The following PAPSS2 variants were observed in gnomAD, a reference collection of about 807,000 sequenced individuals.
The protein encoded by PAPSS2 is bifunctional 3'-phosphoadenosine 5'-phosphosulfate synthase 2.
Under a neutral mutation model 66.5 loss-of-function variants are expected in PAPSS2, and 61 were observed. That is an observed-to-expected ratio of 0.92 (90% CI 0.75 to 1.14). The LOEUF is 1.14. PAPSS2 is among the 50% of genes most tolerant of loss of function. The probability of loss-of-function intolerance (pLI) is 0.00; values close to 1 mark genes in which losing one functional copy is unlikely to be tolerated. For missense variants in PAPSS2, 708 were observed against 789.6 expected (o/e 0.90, Z 1.24); for synonymous variants, 289 against 287.5 (o/e 1.01, Z -0.05).
rs34785604 is a variant in PAPSS2, at chr10:87,678,590, T to TAA, written c.27+18591_27+18592dup. 2.4e-3 allele frequency among the ~76,000 whole-genome samples: 360 copies of TAA among 150,314 alleles called. 1 individual carries two copies. Among genetic ancestry groups the TAA allele is most frequent in the African/African-American group, 7.9e-3 (324 of 40,986 alleles). Reference sequence around the variant, plus strand: ...AGACTATATCAGAAACCCAGCAGCGTAAAAAAAAAATTCCATTAAAAAGTG... The same window carrying TAA: ...AGACTATATCAGAAACCCAGCAGCGTAAAAAAAAAAAATTCCATTAAAAAGTG... On this transcript the variant is annotated intron_variant, in intron 1 of 12. Transcript: ENST00000456849.
intron 1 of PAPSS2, among the ~76,000 whole-genome samples, chr10:87,671,215 C>G (rs1235943017): frequency 6.6e-6 from 1 of 152,002 alleles, no homozygotes; most frequent in Non-Finnish European, 1.5e-5. Flanking sequence ...ATAATGGATA[C>G]TATGACTGTG....
intron 10 of PAPSS2, 44 bp downstream of exon 10, chr10:87,741,414 A>C: frequency 1.3e-6 from 2 of 1,536,204 alleles, no homozygotes; most frequent in Non-Finnish European, 1.8e-6. Context: ...TTATTTATTG[A>C]GATGGTGTCT....
intron 1 of PAPSS2, among the ~76,000 whole-genome samples, chr10:87,680,026 C>CAAAA (rs58787148): frequency 2.4e-5 from 3 of 126,714 alleles, no homozygotes; most frequent in African/African-American, 5.8e-5. Flanking sequence ...GAACCTATCT[C>CAAAA]AAAAAAAAAA....
At chr10:87,681,523 CT>C (rs1564710905) in intron 1 of PAPSS2, among the ~76,000 whole-genome samples, 2 of 152,098 alleles carry the variant, frequency 1.3e-5, no homozygotes, top group African/African-American at 4.8e-5. Context: ...AATGAAAAGA[CT>C]TTTCTTAGAA....
chr10:87,746,714 T>C lies in PAPSS2; in HGVS notation c.*744T>C, dbSNP rs1853945647. The C allele has an allele frequency of 6.6e-6, 1 of 152,226 alleles. No homozygotes were observed. Among genetic ancestry groups the C allele is most frequent in the African/African-American group, 2.4e-5 (1 of 41,450 alleles). The allele number at this position is 152,226 out of a possible 1,614,324, so 9.4% of individuals were successfully genotyped here. A position where few individuals can be genotyped will look rare whatever the true frequency, so the allele number is the denominator to read the frequency against. On this transcript the variant is annotated 3_prime_UTR_variant, in exon 13 of 13. Coordinates refer to ENST00000456849, the MANE Select transcript of PAPSS2 (RefSeq NM_001015880.2). ...GATTTGATGAAAGGACGTCAAACAATGTGGCGATGTCGTGGAAAGTTATCT... is the reference window on the plus strand; with the variant it reads ...GATTTGATGAAAGGACGTCAAACAACGTGGCGATGTCGTGGAAAGTTATCT...
chr10:87,688,627 T>G (rs1218137001), intron 1 of PAPSS2, among the ~76,000 whole-genome samples: 2 of 151,596 alleles, frequency 1.3e-5, no homozygotes, highest in African/African-American at 4.8e-5. Context: ...GCCTGGCTAA[T>G]TTTTTTGTAT....
At chr10:87,699,429 T>A (rs1008916443) in intron 1 of PAPSS2, among the ~76,000 whole-genome samples, 1 of 152,222 alleles carries the variant, frequency 6.6e-6, no homozygotes, top group Non-Finnish European at 1.5e-5. Context: ...ATTATAGGCA[T>A]GAGTTGCCAT....
intron 3 of PAPSS2, among the ~76,000 whole-genome samples, chr10:87,713,513 C>T (rs1853493208): frequency 6.6e-6 from 1 of 152,038 alleles, no homozygotes; most frequent in African/African-American, 2.4e-5. Flanking sequence ...CCTTCCTTTC[C>T]AGATGCCAGG....
intron 1 of PAPSS2, among the ~76,000 whole-genome samples, chr10:87,672,420 C>A (rs1166360359): frequency 1.3e-5 from 2 of 152,192 alleles, no homozygotes. Flanking sequence ...TTCTAAAAAA[C>A]TAATATGTGA....
At chr10:87,706,342 G>C in intron 1 of PAPSS2, among the ~76,000 whole-genome samples, 1 of 151,032 alleles carries the variant, frequency 6.6e-6, no homozygotes, top group Admixed American at 6.6e-5. Context: ...TGATTTTTGG[G>C]TCTGATATTC....
intron 1 of PAPSS2, among the ~76,000 whole-genome samples, chr10:87,672,249 T>C (rs1852887026): frequency 6.6e-6 from 1 of 152,176 alleles, no homozygotes; most frequent in Admixed American, 6.5e-5. Context: ...CTCAGGGATA[T>C]TGGGATGATA....
intron 2 of PAPSS2, among the ~76,000 whole-genome samples, chr10:87,710,872 GCA>G (rs1285248854): frequency 9.2e-5 from 14 of 152,018 alleles, no homozygotes; most frequent in Admixed American, 3.3e-4. Context: ...GCGTGGTGGT[GCA>G]CGCCTGTAAT....
At chr10:87,671,247 A>G (rs1330923798) in intron 1 of PAPSS2, among the ~76,000 whole-genome samples, 1 of 152,166 alleles carries the variant, frequency 6.6e-6, no homozygotes, top group Admixed American at 6.5e-5. Flanking sequence ...GGATCTTTTG[A>G]TTATTTAAAC....
chr10:87,669,030 AT>A (rs763605015), intron 1 of PAPSS2, among the ~76,000 whole-genome samples: 1 of 152,224 alleles, frequency 6.6e-6, no homozygotes, highest in Non-Finnish European at 1.5e-5. Flanking sequence ...TTGTTGTGGC[AT>A]TCTGGGGACA....
intron 1 of PAPSS2, among the ~76,000 whole-genome samples, chr10:87,704,895 G>C (rs1334433956): frequency 6.6e-6 from 1 of 152,158 alleles, no homozygotes; most frequent in African/African-American, 2.4e-5. Context: ...ACCCACCTCA[G>C]CTTCTCAAAG....
At chr10:87,666,026 T>G (rs1346511160) in intron 1 of PAPSS2, among the ~76,000 whole-genome samples, 1 of 151,490 alleles carries the variant, frequency 6.6e-6, no homozygotes, top group Non-Finnish European at 1.5e-5. Context: ...GCTGTTGGCG[T>G]GATCTTGGCT....
intron 4 of PAPSS2, 139 bp from the exon 5 acceptor site, chr10:87,714,606 A>G: frequency 7.1e-6 from 5 of 705,278 alleles, no homozygotes; most frequent in South Asian, 6.0e-5. Context: ...GCTAGAAGTC[A>G]AGGATGGCTG....
intron 1 of PAPSS2, among the ~76,000 whole-genome samples, chr10:87,706,902 CT>C (rs1383457218): frequency 3.9e-5 from 6 of 152,352 alleles, no homozygotes; most frequent in African/African-American, 1.4e-4. Flanking sequence ...TCACTGCTGT[CT>C]CATCTACCGC....
chr10:87,697,779 A>G (rs7071282), intron 1 of PAPSS2, among the ~76,000 whole-genome samples: 8,083 of 152,240 alleles, frequency 0.053, 576 homozygotes, highest in African/African-American at 0.17. Flanking sequence ...TTATCATCCA[A>G]TGGAAACTCC....
Sources: allele counts gnomAD v4.1 joint callset (sites outside exome capture counted in the v4.1 genomes callset), GRCh38; gene constraint gnomAD v4.1.1; transcripts MANE v1.5; gene names NCBI Gene and HGNC (gene_info 2026-07-23, HGNC 2026-07-21).